The following SPAG17 variants were observed in gnomAD, a reference collection of about 807,000 sequenced individuals.
SPAG17 encodes the protein sperm associated antigen 17.
In SPAG17, 169 loss-of-function variants were observed where a neutral mutation model predicts 273.6. The observed-to-expected ratio is 0.62, with a 90% confidence interval of 0.55 to 0.70. The LOEUF (loss-of-function observed/expected upper bound fraction) is 0.70. Ranked by LOEUF, SPAG17 falls within the 30% of genes least tolerant of loss-of-function variation. SPAG17 has a pLI of 0.00. For synonymous variants in SPAG17, 825 were observed against 873.2 expected, an observed-to-expected ratio of 0.94 and a Z score of 0.97; for missense variants, 2,557 against 2,627.8, an observed-to-expected ratio of 0.97 and a Z score of 0.59.
At position 118,165,367 on chromosome 1, in the gene SPAG17, T is replaced by C. The variant is rs555999056; in HGVS notation, c.88-13998A>G. ...GAGCTGTTCTCCTTTCTGTTTCTTT[T>C]ACCAGTTAAACCTCCACTCTTAACC... On this transcript the variant is annotated intron_variant, in intron 1 of 48. Coordinates refer to ENST00000336338, the MANE Select transcript of SPAG17 (RefSeq NM_206996.4). Among the ~76,000 whole-genome samples, 92 of 152,204 alleles carry C rather than the reference T, an allele frequency of 6.0e-4. 1 individual carries two copies. Among genetic ancestry groups the C allele is most frequent in the Admixed American group, 2.7e-3 (41 of 15,294 alleles).
At position 117,964,846 on chromosome 1, in the gene SPAG17, T is replaced by G. The variant is rs576347136; in HGVS notation, c.6533-908A>C. On this transcript the variant is annotated intron_variant, in intron 47 of 48. Transcript: ENST00000336338. Reference sequence around the variant, plus strand: ...TCTCCTTCACCTCGGAATATCTGAATCATCAGCTATCTTCAGCTTCTCCCT... The same window carrying G: ...TCTCCTTCACCTCGGAATATCTGAAGCATCAGCTATCTTCAGCTTCTCCCT... 2.0e-5 allele frequency: 3 copies of G among 152,362 alleles called. No homozygotes were observed. In the South Asian group the frequency reaches 6.2e-4, roughly 32 times the overall value. The allele number at this position is 152,362 out of a possible 1,614,324, so 9.4% of individuals were successfully genotyped here.
intron 7 of SPAG17, among the ~76,000 whole-genome samples, chr1:118,097,240 AG>A (rs1200605256): frequency 2.8e-5 from 4 of 141,996 alleles, no homozygotes; most frequent in Non-Finnish European, 6.3e-5. Flanking sequence ...AAAAAAAAAA[AG>A]GGGGGAATAA....
chr1:118,091,700 G>A lies in SPAG17; in HGVS notation c.1265C>T (p.Thr422Ile). Residue 422 changes from threonine to isoleucine, a missense_variant, in exon 10 of 49, where the codon ACT (threonine) becomes ATT (isoleucine). Thr to Ile is a moderately conservative substitution (Grantham distance 89). Transcript: ENST00000336338. ...ATTGTAATATCTCATGTCTACTTCAGTTGTGATGACTGAAGTCACTGTAAA... is the reference window on the plus strand; with the variant it reads ...ATTGTAATATCTCATGTCTACTTCAATTGTGATGACTGAAGTCACTGTAAA... ...APPPVTSVIT[T>I]EVDMRYYNYL... The A allele has an allele frequency of 1.2e-6, 2 of 1,607,544 alleles. No homozygotes were observed. Among genetic ancestry groups the A allele is most frequent in the Non-Finnish European group, 1.7e-6 (2 of 1,174,536 alleles).
At chr1:117,970,709 C>T (rs1654455078) in intron 45 of SPAG17, among the ~76,000 whole-genome samples, 1 of 152,130 alleles carries the variant, frequency 6.6e-6, no homozygotes, top group Non-Finnish European at 1.5e-5. Flanking sequence ...CAAGGAAAGC[C>T]TGCCTCCACT....
rs528041894 is a variant in SPAG17 at position 117,958,493 on chromosome 1, C to G, written c.*1-4444G>C. The stretch of plus-strand genomic sequence containing the variant: ...GGGTCATCAAGGATATCTTGGTACT[C>G]TAGGTCAGAGTTTGAATCTCACGAA... On this transcript the variant is annotated intron_variant, in intron 48 of 48. Coordinates refer to ENST00000336338, the MANE Select transcript of SPAG17 (RefSeq NM_206996.4). Among the ~76,000 whole-genome samples, 3 of 152,254 alleles carry G rather than the reference C, an allele frequency of 2.0e-5. No individual in the cohort carries two copies. The East Asian group carries it at 5.8e-4, about 29-fold the overall frequency.
chr1:118,124,598 A>C (rs191953227), intron 3 of SPAG17, among the ~76,000 whole-genome samples: 49 of 152,382 alleles, frequency 3.2e-4, no homozygotes, highest in Admixed American at 6.5e-4. Context: ...TATTTCAAGT[A>C]GTAGTAGGTG....
intron 18 of SPAG17, among the ~76,000 whole-genome samples, chr1:118,063,839 G>C (rs867097118): frequency 1.3e-5 from 2 of 152,088 alleles, no homozygotes; most frequent in African/African-American, 4.8e-5. Flanking sequence ...CTACTCATCT[G>C]ACAAAGGGCT....
At chr1:118,140,302 T>C (rs1414628034) in intron 3 of SPAG17, among the ~76,000 whole-genome samples, 1 of 152,182 alleles carries the variant, frequency 6.6e-6, no homozygotes, top group African/African-American at 2.4e-5. Context: ...GTAGTGACTA[T>C]AGTTAATAAT....
chr1:118,087,441 A>G (rs1295146086), intron 10 of SPAG17, among the ~76,000 whole-genome samples: 1 of 152,204 alleles, frequency 6.6e-6, no homozygotes, highest in East Asian at 1.9e-4. Context: ...ACATGTGATC[A>G]TTTAAGCCTC....
intron 1 of SPAG17, among the ~76,000 whole-genome samples, chr1:118,182,963 T>C (rs551952936): frequency 5.3e-5 from 8 of 152,336 alleles, no homozygotes; most frequent in Admixed American, 2.0e-4. Context: ...CTGATAATTA[T>C]TCCAGCCTGA....
At chr1:117,994,970 T>C (rs2101668597) in intron 34 of SPAG17, among the ~76,000 whole-genome samples, 1 of 152,242 alleles carries the variant, frequency 6.6e-6, no homozygotes, top group African/African-American at 2.4e-5. Context: ...TGTTAGTCCA[T>C]GATGAAAACT....
At chr1:117,997,566 T>TAAAAAAAAAAAAA (rs11428560) in intron 32 of SPAG17, among the ~76,000 whole-genome samples, 11 of 123,298 alleles carry the variant, frequency 8.9e-5, no homozygotes, top group Non-Finnish European at 1.4e-4. Context: ...GAATGAGAAG[T>TAAAAAAAAAAAAA]AAAAAAAAAA....
intron 4 of SPAG17, among the ~76,000 whole-genome samples, chr1:118,107,978 A>T (rs1286408496): frequency 6.6e-6 from 1 of 152,198 alleles, no homozygotes; most frequent in Non-Finnish European, 1.5e-5. Context: ...TAAAGAAAGG[A>T]TTCTCTGGTG....
In SPAG17 at chr1:118,166,692, T is replaced by C. The variant is rs368688470; in HGVS notation, c.88-15323A>G. Among the ~76,000 whole-genome samples the C allele has an allele frequency of 1.6e-4, 25 of 152,302 alleles. No homozygotes were observed. In the East Asian group the frequency reaches 1.7e-3, roughly 11 times the overall value. On this transcript the variant is annotated intron_variant, in intron 1 of 48. Coordinates refer to ENST00000336338, the MANE Select transcript of SPAG17 (RefSeq NM_206996.4). ...AACCATTTTTCTTGGTAATCAATGATATTGTTTGAGCTATTGCAGGTGCTA... is the reference window on the plus strand; with the variant it reads ...AACCATTTTTCTTGGTAATCAATGACATTGTTTGAGCTATTGCAGGTGCTA...
Position 118,087,028 on chromosome 1 carries a change from G to A in SPAG17, c.1360-20C>T. 6.5e-7 allele frequency: 1 copy of A among 1,547,686 alleles called. No homozygotes were observed. Among genetic ancestry groups the A allele is most frequent in the Non-Finnish European group, 8.7e-7 (1 of 1,151,380 alleles). On this transcript the variant is annotated intron_variant, in intron 10 of 48. Transcript: ENST00000336338. ...AACAACCTGTTGAAATCAACAATGA[G>A]AGGAATTGGTGTAAGGGTCCGCTCT... is the stretch of plus-strand genomic sequence containing the variant.
At chr1:117,995,058 T>A (rs998357834) in intron 34 of SPAG17, among the ~76,000 whole-genome samples, 1 of 152,150 alleles carries the variant, frequency 6.6e-6, no homozygotes, top group African/African-American at 2.4e-5. Flanking sequence ...CTTGTACTAT[T>A]CTTCCCCTCT....
Position 118,039,354 on chromosome 1 carries a change from TCTTC to T in SPAG17, c.3253_3256del (p.Glu1085ArgfsTer7). ...CTCTTCTAAATAATAATCCCCTTTC[TCTTC>T]CTTTTTCACAATTTCCTTAGGGTCA... On this transcript the variant is annotated frameshift_variant, in exon 23 of 49. Transcript: ENST00000336338. LOFTEE classifies it high-confidence loss of function. 1 of 1,613,622 alleles carries T rather than the reference TCTTC, an allele frequency of 6.2e-7. No homozygotes were observed. Among genetic ancestry groups the T allele is most frequent in the South Asian group, 1.1e-5 (1 of 91,058 alleles).
At chr1:117,964,030 C>G (rs1246865168) in intron 47 of SPAG17, 92 bp from the exon 48 acceptor site, 1 of 1,409,612 alleles carries the variant, frequency 7.1e-7, no homozygotes, top group East Asian at 2.3e-5. Flanking sequence ...AATTTCTTCT[C>G]TGGCAACATC....
At chr1:118,099,501 A>C in intron 6 of SPAG17, 105 bp downstream of exon 6, 1 of 1,065,508 alleles carries the variant, frequency 9.4e-7, no homozygotes, top group Non-Finnish European at 1.4e-6. Flanking sequence ...AGATTTAATA[A>C]TGTACTAATT....
Sources: allele counts gnomAD v4.1 joint callset (sites outside exome capture counted in the v4.1 genomes callset), GRCh38; gene constraint gnomAD v4.1.1; transcripts MANE v1.5; gene names NCBI Gene and HGNC (gene_info 2026-07-23, HGNC 2026-07-21).